CSMD1: variants seen among roughly 807,000 people sequenced by gnomAD.
CSMD1 encodes CUB and Sushi multiple domains 1, also known as CUB and sushi domain-containing protein 1.
Under a neutral mutation model 417.5 loss-of-function variants are expected in CSMD1, and 213 were observed. The ratio of observed to expected loss-of-function variants is 0.51; its 90% CI spans 0.46 to 0.57. The LOEUF (loss-of-function observed/expected upper bound fraction) is 0.57. Among genes scored for constraint, CSMD1 ranks in the 20% least tolerant of loss-of-function variants. CSMD1 has a pLI of 0.00. For missense variants in CSMD1, 6,923 were observed against 4,529.7 expected, an observed-to-expected ratio of 1.53 and a Z score of -15.17; for synonymous variants, 2,862 against 1,736.8, an observed-to-expected ratio of 1.65 and a Z score of -16.11.
intron 5 of CSMD1, among the ~76,000 whole-genome samples, chr8:3,906,569 C>A (rs1412817631): frequency 6.7e-6 from 1 of 149,872 alleles, no homozygotes; most frequent in Non-Finnish European, 1.5e-5. Flanking sequence ...TAAGCTGTAC[C>A]ATGAGGTGTG....
rs267601937 is a variant in CSMD1, at chr8:4,637,452, C to G, written c.192G>C (p.Thr64=). ...NYANCTWIII[T]GERNRIQLSF... The stretch of plus-strand genomic sequence containing the variant: ...ACAACTGTATCCTATTGCGCTCGCC[C>G]GTGATGATGATCCAGGTGCAGTTGG... The change falls in exon 2 of 70, where the codon ACG becomes ACC. Residue 64 remains threonine, a synonymous_variant. Coordinates refer to ENST00000635120, the MANE Select transcript of CSMD1 (RefSeq NM_033225.6). 3 of 1,613,762 alleles carry G rather than the reference C, an allele frequency of 1.9e-6. No homozygotes were observed. Among genetic ancestry groups the G allele is most frequent in the South Asian group, 2.2e-5 (2 of 91,068 alleles).
At chr8:4,634,322 C>T (rs868511958) in intron 2 of CSMD1, among the ~76,000 whole-genome samples, 2 of 152,112 alleles carry the variant, frequency 1.3e-5, no homozygotes, top group Admixed American at 6.5e-5. Context: ...ATCAATAATT[C>T]TAAAGTATAT....
intron 1 of CSMD1, among the ~76,000 whole-genome samples, chr8:4,694,579 C>A (rs1489860643): frequency 2.6e-5 from 4 of 151,814 alleles, no homozygotes; most frequent in African/African-American, 7.3e-5. Context: ...TAGCCAGGAT[C>A]GTCTTGATCT....
intron 26 of CSMD1, among the ~76,000 whole-genome samples, chr8:3,271,451 G>A (rs1371570715): frequency 1.3e-5 from 2 of 150,218 alleles, no homozygotes; most frequent in Non-Finnish European, 3.0e-5. Context: ...CCCAGTAATG[G>A]GATGGCTGGG....
intron 18 of CSMD1, among the ~76,000 whole-genome samples, chr8:3,376,527 T>A (rs182601884): frequency 7.5e-4 from 114 of 152,218 alleles, no homozygotes; most frequent in Admixed American, 1.8e-3. Context: ...CCATTCTCCG[T>A]GAAAAATGTG....
intron 12 of CSMD1, among the ~76,000 whole-genome samples, chr8:3,442,230 G>C (rs1217785563): frequency 6.6e-6 from 1 of 152,090 alleles, no homozygotes; most frequent in Non-Finnish European, 1.5e-5. Context: ...AAAAGTTACA[G>C]TAAGCTAAGG....
At chr8:3,439,823 G>C (rs1814854689) in intron 12 of CSMD1, among the ~76,000 whole-genome samples, 1 of 152,038 alleles carries the variant, frequency 6.6e-6, no homozygotes, top group African/African-American at 2.4e-5. Flanking sequence ...ATTTTGAGTA[G>C]ATTTTTGTAA....
At chr8:4,615,470 T>C (rs1801422525) in intron 2 of CSMD1, among the ~76,000 whole-genome samples, 1 of 152,156 alleles carries the variant, frequency 6.6e-6, no homozygotes, top group Admixed American at 6.5e-5. Flanking sequence ...ATTGATTAGG[T>C]CAAAGTAATT....
Position 3,907,232 on chromosome 8 carries a change from A to G in CSMD1, c.818+90671T>C, listed in dbSNP as rs181737495. Among the ~76,000 whole-genome samples, 340 of 152,356 alleles carry G rather than the reference A, an allele frequency of 2.2e-3. 2 individuals carry two copies. The highest frequency in any genetic ancestry group is 7.7e-3 in the African/African-American group (320 of 41,590). ...TACAGCAAATAAAAATTTCTTGGAAAAGTGGAAAAATATATTCAATTTGAT... is the reference window on the plus strand; with the variant it reads ...TACAGCAAATAAAAATTTCTTGGAAGAGTGGAAAAATATATTCAATTTGAT... On this transcript the variant is annotated intron_variant, in intron 5 of 69. Transcript: ENST00000635120.
At chr8:4,006,965 C>G (rs759457878) in intron 4 of CSMD1, among the ~76,000 whole-genome samples, 12 of 150,976 alleles carry the variant, frequency 7.9e-5, no homozygotes, top group Non-Finnish European at 1.2e-4. Context: ...GTAGCTGGGA[C>G]TACAGGCACA....
chr8:4,509,661 G>C (rs1342533306), intron 2 of CSMD1, among the ~76,000 whole-genome samples: 2 of 152,122 alleles, frequency 1.3e-5, no homozygotes, highest in Non-Finnish European at 2.9e-5. Context: ...ACAGTGCTAA[G>C]TCCATAATAA....
Position 3,187,952 on chromosome 8 carries a change from C to G in CSMD1, c.5537G>C (p.Ser1846Thr). 2.5e-6 allele frequency: 4 copies of G among 1,613,004 alleles called. No homozygotes were observed. The highest frequency in any genetic ancestry group is 3.4e-6 in the Non-Finnish European group (4 of 1,179,570). The change falls in exon 36 of 70, where the codon AGT (serine) becomes ACT (threonine). Residue 1846 changes from serine to threonine, a missense_variant. Physicochemically the swap from Ser to Thr is moderately conservative, Grantham distance 58. Coordinates refer to ENST00000635120, the MANE Select transcript of CSMD1 (RefSeq NM_033225.6). ...GTCCCAGTTCTGCTCCGTGGCAAAA[C>G]TGATCACTTGGATCTACCAAACCAT... ...EGSGIQIQVI[S>T]FATEQNWDSL... is the part of the protein sequence containing the mutation.
At chr8:3,006,209 T>A (rs1296007681) in intron 52 of CSMD1, among the ~76,000 whole-genome samples, 2 of 151,716 alleles carry the variant, frequency 1.3e-5, no homozygotes, top group Non-Finnish European at 2.9e-5. Flanking sequence ...GGAATCCAAT[T>A]TACAAGGGAT....
At chr8:3,958,498 C>G (rs988665893) in intron 5 of CSMD1, among the ~76,000 whole-genome samples, 4 of 152,094 alleles carry the variant, frequency 2.6e-5, no homozygotes, top group African/African-American at 7.2e-5. Flanking sequence ...CTGCTTATCA[C>G]TAACATTTTA....
At chr8:3,951,868 T>A (rs7015310) in intron 5 of CSMD1, among the ~76,000 whole-genome samples, 1,816 of 151,940 alleles carry the variant, frequency 0.012, 41 homozygotes, top group African/African-American at 0.041. Context: ...AACTTGCACA[T>A]TAAACTACAT....
At chr8:4,145,580 G>A (rs188721807) in intron 3 of CSMD1, among the ~76,000 whole-genome samples, 4 of 150,840 alleles carry the variant, frequency 2.7e-5, no homozygotes, top group African/African-American at 5.0e-5. Flanking sequence ...GTGGAGAGAC[G>A]GTCTCACCAT....
At position 3,769,287 on chromosome 8, in the gene CSMD1, A is replaced by T. The variant is rs191774753; in HGVS notation, c.819-15245T>A. Reference sequence around the variant, plus strand: ...ATATATCAGTAACAAACTATAGCTAAATAGTGGTCTTTAGTTAAAATCATT... The same window carrying T: ...ATATATCAGTAACAAACTATAGCTATATAGTGGTCTTTAGTTAAAATCATT... On this transcript the variant is annotated intron_variant, in intron 5 of 69. Coordinates refer to ENST00000635120, the MANE Select transcript of CSMD1 (RefSeq NM_033225.6). Among the ~76,000 whole-genome samples, 5 of 152,252 alleles carry T rather than the reference A, an allele frequency of 3.3e-5. No homozygotes were observed. In the East Asian group the frequency reaches 9.7e-4, roughly 29 times the overall value.
chr8:3,668,901 C>T (rs949635487), intron 7 of CSMD1, among the ~76,000 whole-genome samples: 2 of 152,148 alleles, frequency 1.3e-5, no homozygotes, highest in Non-Finnish European at 2.9e-5. Flanking sequence ...CAAAGCAACG[C>T]CTACATCCCC....
chr8:4,644,439 T>C (rs1419932976), intron 1 of CSMD1, among the ~76,000 whole-genome samples: 3 of 152,006 alleles, frequency 2.0e-5, no homozygotes, highest in Admixed American at 6.5e-5. Context: ...ACAGAGTCTC[T>C]CTCTGTCACC....
Sources: allele counts gnomAD v4.1 joint callset (sites outside exome capture counted in the v4.1 genomes callset), GRCh38; gene constraint gnomAD v4.1.1; transcripts MANE v1.5; gene names NCBI Gene and HGNC (gene_info 2026-07-23, HGNC 2026-07-21).